Variants in SCRIB observed in about 807,000 individuals in gnomAD.
The protein encoded by SCRIB is protein scribble homolog.
SCRIB carries 72 observed loss-of-function variants against 170.0 expected under a neutral mutation model. That is an observed-to-expected ratio of 0.42 (90% CI 0.35 to 0.52). The LOEUF is 0.52. SCRIB is among the 20% of genes least tolerant of loss of function. SCRIB has a pLI of 0.02. For missense variants in SCRIB, 2,475 were observed against 2,338.5 expected, an observed-to-expected ratio of 1.06 and a Z score of -1.20; for synonymous variants, 1,298 against 1,044.3, an observed-to-expected ratio of 1.24 and a Z score of -4.68.
chr8:143,799,521 A>G (rs1200144017), intron 24 of SCRIB, among the ~76,000 whole-genome samples: 3 of 152,166 alleles, frequency 2.0e-5, no homozygotes, highest in Non-Finnish European at 4.4e-5. Flanking sequence ...CTCATGCCAA[A>G]CACGCGGGGT....
intron 13 of SCRIB, among the ~76,000 whole-genome samples, chr8:143,810,000 C>G (rs575328390): frequency 6.6e-6 from 1 of 152,152 alleles, no homozygotes; most frequent in South Asian, 2.1e-4. Context: ...AAAATCCCAG[C>G]GTGATATGAA....
At chr8:143,797,804 C>T (rs967729521) in intron 24 of SCRIB, among the ~76,000 whole-genome samples, 13 of 152,248 alleles carry the variant, frequency 8.5e-5, no homozygotes, top group East Asian at 1.9e-4. Flanking sequence ...TAGAGGGATG[C>T]GGTGGCCAAG....
intron 24 of SCRIB, among the ~76,000 whole-genome samples, chr8:143,802,967 G>A (rs976395497): frequency 2.0e-5 from 3 of 152,206 alleles, no homozygotes; most frequent in Non-Finnish European, 4.4e-5. Flanking sequence ...CTAGGCACAG[G>A]AGCGGGGACC....
intron 24 of SCRIB, among the ~76,000 whole-genome samples, chr8:143,803,003 G>A (rs1815236285): frequency 6.6e-6 from 1 of 152,242 alleles, no homozygotes; most frequent in South Asian, 2.1e-4. Context: ...CGTCTGCCTG[G>A]CTGGTGGGCT....
rs1278145330 is a variant in SCRIB at position 143,791,970 on chromosome 8, G to T, written c.4657+21C>A. ...GCCCATGCGGCAGGCTGACCCCCCC[G>T]ACCTGCCCTGACCCACAGACCTTCC... is the stretch of plus-strand genomic sequence containing the variant. On this transcript the variant is annotated intron_variant, in intron 33 of 36. Transcript: ENST00000356994. 4 of 1,480,502 alleles carry T rather than the reference G, an allele frequency of 2.7e-6. No homozygotes were observed. In the African/African-American group the frequency reaches 4.3e-5, roughly 16 times the overall value. 91.7% of individuals were successfully genotyped at this position (1,480,502 alleles called of 1,614,324 possible).
chr8:143,805,994 G>A (rs1252748654), intron 18 of SCRIB, among the ~76,000 whole-genome samples: 3 of 152,104 alleles, frequency 2.0e-5, no homozygotes, highest in South Asian at 2.1e-4. Flanking sequence ...ACAGCTAGGT[G>A]TCCAGGTGGA....
chr8:143,808,865 G>A lies in SCRIB; in HGVS notation c.1859C>T (p.Pro620Leu), dbSNP rs763238830. The A allele has an allele frequency of 1.9e-6, 3 of 1,610,206 alleles. No homozygotes were observed. Among genetic ancestry groups the A allele is most frequent in the Middle Eastern group, 1.6e-4 (1 of 6,062 alleles). ...CAGAGCCACAACGGCCTCGGGCTGG[G>A]GCAGCTTGGAGATCTTGAAGTGCTT... ...YKKHFKISKLPQPEAVVALLQ... is the reference protein window; with the variant it reads ...YKKHFKISKLLQPEAVVALLQ... The change falls in exon 15 of 37, where the codon CCC becomes CTC. Residue 620 changes from proline to leucine, a missense_variant. Coordinates refer to ENST00000356994, the MANE Select transcript of SCRIB (RefSeq NM_182706.5).
intron 19 of SCRIB, 29 bp downstream of exon 19, chr8:143,805,083 C>G (rs1257169338): frequency 3.8e-6 from 6 of 1,590,640 alleles, no homozygotes; most frequent in Non-Finnish European, 3.4e-6. Flanking sequence ...TCTAGAGCAG[C>G]CCTCCCCGGC....
At position 143,812,787 on chromosome 8, in the gene SCRIB, C is replaced by T. The variant is rs766652106; in HGVS notation, c.787+30G>A. On this transcript the variant is annotated intron_variant, in intron 8 of 36. Transcript: ENST00000356994. ...TCCTCCCAGGGCCAGGCTCCGTGTG[C>T]CCCACCCAGGCACCCCCAGGCACAC... 3.1e-6 allele frequency: 5 copies of T among 1,590,316 alleles called. No individual in the cohort carries two copies. In the African/African-American group the frequency reaches 5.3e-5, roughly 17 times the overall value.
In SCRIB at chr8:143,791,399, A is replaced by G; in HGVS notation, c.4812T>C (p.Ser1604=). The change falls in exon 36 of 37, where the codon TCT becomes TCC. Residue 1604 remains serine, a synonymous_variant. Transcript: ENST00000356994. ...CCGGCCCCAACTCACCAGGGCTGGG[A>G]GATGGTTCCAGGGACCTCAACTCCT... The part of the protein sequence containing the change: ...FAEELRSLEP[S]PSPGPQEEDG... The G allele has an allele frequency of 6.2e-7, 1 of 1,610,414 alleles. No individual in the cohort carries two copies. Among genetic ancestry groups the G allele is most frequent in the Non-Finnish European group, 8.5e-7 (1 of 1,178,970 alleles).
rs1266438693 is a variant in SCRIB at position 143,809,166 on chromosome 8, G to A, written c.1699-141C>T. 2.0e-5 allele frequency: 23 copies of A among 1,156,130 alleles called. No homozygotes were observed. In the East Asian group the frequency reaches 5.7e-4, roughly 28 times the overall value. 71.6% of individuals were successfully genotyped at this position (1,156,130 alleles called of 1,614,324 possible). On this transcript the variant is annotated intron_variant, in intron 14 of 36. Transcript: ENST00000356994. ...ACTCAGCACTAACTGCCCAGTGAGG[G>A]GCGCGTGTCTCAGCCCTGAGAAAAG...
At chr8:143,810,140 G>A (rs1815639186) in intron 13 of SCRIB, among the ~76,000 whole-genome samples, 1 of 152,072 alleles carries the variant, frequency 6.6e-6, no homozygotes, top group Admixed American at 6.5e-5. Flanking sequence ...CTCTGTCCCA[G>A]TCCCAAACCC....
At position 143,810,481 on chromosome 8, in the gene SCRIB, C is replaced by G; in HGVS notation, c.1528G>C (p.Glu510Gln). The G allele has an allele frequency of 6.2e-7, 1 of 1,607,650 alleles. No individual in the cohort carries two copies. The highest frequency in any genetic ancestry group is 1.1e-5 in the South Asian group (1 of 91,036). Residue 510 changes from glutamate to glutamine, a missense_variant and splice_region_variant, in exon 13 of 37, where the codon GAG becomes CAG. Glu to Gln is a conservative substitution (Grantham distance 29). Coordinates refer to ENST00000356994, the MANE Select transcript of SCRIB (RefSeq NM_182706.5). ...PDSGSPLPAE[E>Q]EKRLSAESGL... ...GGTTGCCGTGGCTCCATGCCCACCT[C>G]CTCTGCAGGCAAGGGCGACCCAGAG...
chr8:143,809,053 C>T (rs748622479), intron 14 of SCRIB, 28 bp from the exon 15 acceptor site: 19 of 1,586,008 alleles, frequency 1.2e-5, no homozygotes, highest in East Asian at 2.2e-5. Flanking sequence ...TGAGGGTGGC[C>T]CCAGCTCTGT....
In SCRIB at chr8:143,793,045, A is replaced by G. The variant is rs1554633360; in HGVS notation, c.3948T>C (p.Asn1316=). 4.0e-6 allele frequency: 6 copies of G among 1,490,772 alleles called. No individual in the cohort carries two copies. The highest frequency in any genetic ancestry group is 5.2e-5 in the East Asian group (2 of 38,784). 92.3% of individuals were successfully genotyped at this position (1,490,772 alleles called of 1,614,324 possible). ...SPPSPDELPA[N]VKQAYRAFAA... is the part of the protein sequence containing the mutation. Reference sequence around the variant, plus strand: ...CGAAGGCCCTGTAGGCCTGCTTCACATTGGCGGGCAGCTCATCCGGAGAAG... The same window carrying G: ...CGAAGGCCCTGTAGGCCTGCTTCACGTTGGCGGGCAGCTCATCCGGAGAAG... The change falls in exon 29 of 37, where the codon AAT becomes AAC. Residue 1316 remains asparagine (N), a synonymous_variant. Transcript: ENST00000356994.
chr8:143,813,880 C>G lies in SCRIB; in HGVS notation c.294G>C (p.Pro98=). The change falls in exon 3 of 37, where the codon CCG becomes CCC. Residue 98 remains proline (P), a synonymous_variant. Transcript: ENST00000356994. The part of the protein sequence containing the change: ...DVSRNDIPEI[P]ESIKFCKALE... The stretch of plus-strand genomic sequence containing the variant: ...GAGCCTTGCAGAACTTGATGCTCTC[C>G]GGGATCTCAGGGATATCTGTCACAG... 1 of 1,608,456 alleles carries G rather than the reference C, an allele frequency of 6.2e-7. No individual in the cohort carries two copies. The highest frequency in any genetic ancestry group is 8.5e-7 in the Non-Finnish European group (1 of 1,176,268).
At position 143,791,005 on chromosome 8, in the gene SCRIB, C is replaced by T. The variant is rs1388188639; in HGVS notation, c.*158G>A. 1.4e-5 allele frequency: 9 copies of T among 663,972 alleles called. No homozygotes were observed. Among genetic ancestry groups the T allele is most frequent in the Non-Finnish European group, 2.0e-5 (9 of 455,704 alleles). 41.1% of individuals were successfully genotyped at this position (663,972 alleles called of 1,614,324 possible). On this transcript the variant is annotated 3_prime_UTR_variant, in exon 37 of 37. Coordinates refer to ENST00000356994, the MANE Select transcript of SCRIB (RefSeq NM_182706.5). ...CAAACATCACTAGTTACAGTCTCGC[C>T]GAGGTCTCGGCTGGGGTGGGGCAGT...
At chr8:143,813,410 G>C in intron 5 of SCRIB, 36 bp from the exon 6 acceptor site, 1 of 1,613,008 alleles carries the variant, frequency 6.2e-7, no homozygotes, top group Non-Finnish European at 8.5e-7. Context: ...TGGCCACGCA[G>C]CCCTGGTCCC....
At position 143,791,184 on chromosome 8, in the gene SCRIB, G is replaced by A. The variant is rs1820061650; in HGVS notation, c.4947C>T (p.Gly1649=). 7 of 1,438,956 alleles carry A rather than the reference G, an allele frequency of 4.9e-6. No homozygotes were observed. The South Asian group carries it at 1.1e-4, about 23-fold the overall frequency. 89.1% of individuals were successfully genotyped at this position (1,438,956 alleles called of 1,614,324 possible). ...SRRPVRPGRR[G]LGPVPS ...TCCTCTAGGAGGGCACAGGGCCCAG[G>A]CCACGGCGCCCAGGCCTTACGGGGC... The change falls in exon 37 of 37, where the codon GGC becomes GGT. Residue 1649 remains glycine (G), a synonymous_variant. Coordinates refer to ENST00000356994, the MANE Select transcript of SCRIB (RefSeq NM_182706.5).
Sources: gnomAD v4.1 joint callset for allele counts (sites outside exome capture counted in the v4.1 genomes callset) on GRCh38, gnomAD v4.1.1 for gene constraint, MANE v1.5 for transcripts, NCBI Gene and HGNC (gene_info 2026-07-23, HGNC 2026-07-21) for gene names.